The following NAPEPLD variants were observed in gnomAD, a reference collection of about 807,000 sequenced individuals.
NAPEPLD encodes the protein N-acyl phosphatidylethanolamine phospholipase D.
NAPEPLD carries 23 observed loss-of-function variants against 38.1 expected under a neutral mutation model. The observed-to-expected ratio is 0.60, with a 90% CI of 0.43 to 0.86. The LOEUF is 0.86. Among genes scored for constraint, NAPEPLD ranks in the 40% least tolerant of loss-of-function variants. NAPEPLD has a pLI of 0.00. For synonymous variants in NAPEPLD, 147 were observed against 162.0 expected (o/e 0.91, Z 0.71); for missense variants, 411 against 476.8 (o/e 0.86, Z 1.28).
chr7:103,127,385 G>A (rs1004603343), intron 2 of NAPEPLD: 1 of 152,146 alleles, frequency 6.6e-6, no homozygotes, highest in African/African-American at 2.4e-5. Context: ...TGAGAATAAA[G>A]ACATTTCAGA....
Position 103,103,298 on chromosome 7 carries a change from TAA to T in NAPEPLD, c.*129_*130del. 2 of 1,153,244 alleles carry T rather than the reference TAA, an allele frequency of 1.7e-6. No homozygotes were observed. Among genetic ancestry groups the T allele is most frequent in the Admixed American group, 5.4e-5 (2 of 36,920 alleles). 71.4% of individuals were successfully genotyped at this position (1,153,244 alleles called of 1,614,324 possible). A position where few individuals can be genotyped will look rare whatever the true frequency, so the allele number is the denominator to read the frequency against. On this transcript the variant is annotated 3_prime_UTR_variant, in exon 5 of 5. Coordinates refer to ENST00000465647, the MANE Select transcript of NAPEPLD (RefSeq NM_001122838.3). ...AGGAAGCAAGTTATTACACAAAACA[TAA>T]AACATAAACTTGCAGAAGTTGTTTC...
intron 1 of NAPEPLD, among the ~76,000 whole-genome samples, chr7:103,147,463 A>T (rs1812793993): frequency 6.6e-6 from 1 of 152,366 alleles, no homozygotes; most frequent in African/African-American, 2.4e-5. Context: ...CTATATCCAC[A>T]GCTATCCATC....
At position 103,119,585 on chromosome 7, in the gene NAPEPLD, A is replaced by G; in HGVS notation, c.933T>C (p.Tyr311=). Residue 311 remains tyrosine (Y), a synonymous_variant, in exon 3 of 5, where the codon TAT becomes TAC. Coordinates refer to ENST00000465647, the MANE Select transcript of NAPEPLD (RefSeq NM_001122838.3). ...FDLAAIPIGA[Y]EPRWFMKYQH... ...TTTGGAAGTCTACATACCTCGGTTCATAAGCTCCGATGGGAATAGCTGCAA... is the reference window on the plus strand; with the variant it reads ...TTTGGAAGTCTACATACCTCGGTTCGTAAGCTCCGATGGGAATAGCTGCAA... The G allele has an allele frequency of 6.2e-7, 1 of 1,613,196 alleles. No individual in the cohort carries two copies. The highest frequency in any genetic ancestry group is 8.5e-7 in the Non-Finnish European group (1 of 1,179,448).
rs558730194 is a variant in NAPEPLD at position 103,101,138 on chromosome 7, T to A, written c.*2291A>T. 5.3e-5 allele frequency: 8 copies of A among 152,348 alleles called. 2 individuals are homozygous for A. Among genetic ancestry groups the A allele is most frequent in the African/African-American group, 1.9e-4 (8 of 41,582 alleles). 9.4% of individuals were successfully genotyped at this position (152,348 alleles called of 1,614,324 possible). The stretch of plus-strand genomic sequence containing the variant: ...ATTCGGCGTGCAGCAGCAGGGAATA[T>A]GGCTACAACAACGCTGGCTAGTATT... On this transcript the variant is annotated 3_prime_UTR_variant, in exon 5 of 5. Transcript: ENST00000465647.
chr7:103,120,845 G>C (rs1416837073), intron 2 of NAPEPLD, among the ~76,000 whole-genome samples: 1 of 150,872 alleles, frequency 6.6e-6, no homozygotes, highest in East Asian at 2.0e-4. Flanking sequence ...TCTCAGCTGG[G>C]ATCACAGGCA....
intron 3 of NAPEPLD, chr7:103,115,417 A>C (rs1805365941): frequency 5.5e-6 from 2 of 366,126 alleles, no homozygotes; most frequent in Admixed American, 8.8e-5. Flanking sequence ...ACAGGAGGCA[A>C]AACCATCTCC....
chr7:103,123,432 T>C (rs991275308), intron 2 of NAPEPLD, among the ~76,000 whole-genome samples: 3 of 152,190 alleles, frequency 2.0e-5, no homozygotes, highest in Non-Finnish European at 4.4e-5. Context: ...GAGGTATACT[T>C]ATCCAGAATT....
chr7:103,132,881 G>T (rs1809244706), intron 1 of NAPEPLD, among the ~76,000 whole-genome samples: 1 of 152,154 alleles, frequency 6.6e-6, no homozygotes, highest in Non-Finnish European at 1.5e-5. Context: ...TTTCAAAGTT[G>T]TCTATTCACA....
chr7:103,140,379 A>C (rs2129535601), intron 1 of NAPEPLD, among the ~76,000 whole-genome samples: 1 of 145,828 alleles, frequency 6.9e-6, no homozygotes, highest in Admixed American at 7.2e-5. Flanking sequence ...CTTGGAATTC[A>C]CAGAACTCTT....
chr7:103,104,422 A>G (rs1317822048), intron 4 of NAPEPLD, among the ~76,000 whole-genome samples: 1 of 152,294 alleles, frequency 6.6e-6, no homozygotes, highest in Non-Finnish European at 1.5e-5. Flanking sequence ...GTTCAGAGCA[A>G]GCGGAGAGGA....
At chr7:103,108,512 A>G (rs1016182913) in intron 4 of NAPEPLD, among the ~76,000 whole-genome samples, 4 of 152,238 alleles carry the variant, frequency 2.6e-5, no homozygotes, top group Admixed American at 1.3e-4. Context: ...CGAAGGTGAA[A>G]TAAAATCCTT....
At chr7:103,130,697 G>T (rs991400274) in intron 1 of NAPEPLD, among the ~76,000 whole-genome samples, 24 of 152,006 alleles carry the variant, frequency 1.6e-4, no homozygotes, top group African/African-American at 5.6e-4. Context: ...CGGGGCTCAG[G>T]GTATTCTCCC....
At chr7:103,141,613 G>C in intron 1 of NAPEPLD, 1 of 918,236 alleles carries the variant, frequency 1.1e-6, no homozygotes, top group Admixed American at 1.7e-5. Flanking sequence ...TAGATTCACG[G>C]TATCTTCTGA....
intron 4 of NAPEPLD, among the ~76,000 whole-genome samples, chr7:103,113,653 CAG>C (rs1805005920): frequency 8.9e-6 from 1 of 112,460 alleles, no homozygotes; most frequent in East Asian, 2.9e-4. Context: ...TTTCTCAAGA[CAG>C]AGTTTCGCTC....
At chr7:103,136,813 C>G (rs972864857) in intron 1 of NAPEPLD, among the ~76,000 whole-genome samples, 2 of 152,056 alleles carry the variant, frequency 1.3e-5, no homozygotes, top group African/African-American at 4.8e-5. Flanking sequence ...AATGTATTTT[C>G]TTTTGTTAAA....
intron 2 of NAPEPLD, among the ~76,000 whole-genome samples, chr7:103,122,053 A>T (rs1806807382): frequency 6.6e-6 from 1 of 152,080 alleles, no homozygotes; most frequent in Admixed American, 6.6e-5. Context: ...ATGGGAACAC[A>T]TTAAGAGCCT....
chr7:103,104,348 T>C (rs1025686038), intron 4 of NAPEPLD, among the ~76,000 whole-genome samples: 2 of 152,218 alleles, frequency 1.3e-5, no homozygotes, highest in African/African-American at 4.8e-5. Context: ...TGGATGCGAT[T>C]CCCAAGGGAG....
chr7:103,111,861 T>C (rs1451622028), intron 4 of NAPEPLD, among the ~76,000 whole-genome samples: 3 of 152,156 alleles, frequency 2.0e-5, no homozygotes, highest in Non-Finnish European at 4.4e-5. Context: ...TCTATCCATC[T>C]GACAAAGGGC....
chr7:103,119,008 G>A (rs1806087926), intron 3 of NAPEPLD, among the ~76,000 whole-genome samples: 2 of 152,190 alleles, frequency 1.3e-5, no homozygotes, highest in South Asian at 2.1e-4. Flanking sequence ...CTAAACGTAG[G>A]AGAGCTGTAG....
Sources: allele counts gnomAD v4.1 joint callset (sites outside exome capture counted in the v4.1 genomes callset), GRCh38; gene constraint gnomAD v4.1.1; transcripts MANE v1.5; gene names NCBI Gene and HGNC (gene_info 2026-07-23, HGNC 2026-07-21).